The following PLEKHB2 variants were observed in gnomAD, a reference collection of about 807,000 sequenced individuals.
The protein encoded by PLEKHB2 is pleckstrin homology domain containing B2.
A neutral mutation model predicts 36.5 loss-of-function variants in PLEKHB2; 31 were observed. The ratio of observed to expected loss-of-function variants is 0.85; its 90% CI spans 0.64 to 1.15. PLEKHB2 has a LOEUF of 1.15. Among genes scored for constraint, PLEKHB2 ranks in the 50% most tolerant of loss-of-function variants. The pLI, the probability that PLEKHB2 is intolerant of heterozygous loss-of-function variation, is 0.00. For synonymous variants in PLEKHB2, 119 were observed against 112.0 expected (o/e 1.06, Z -0.39); for missense variants, 262 against 295.3 (o/e 0.89, Z 0.83).
chr2:131,126,338 CAAGA>C (rs1176780981), intron 3 of PLEKHB2, among the ~76,000 whole-genome samples: 1 of 152,070 alleles, frequency 6.6e-6, no homozygotes, highest in African/African-American at 2.4e-5. Context: ...CCACCCTGGC[CAAGA>C]TGGTGAAACC....
At chr2:131,111,771 G>A (rs111935191) in intron 1 of PLEKHB2, among the ~76,000 whole-genome samples, 2 of 151,878 alleles carry the variant, frequency 1.3e-5, no homozygotes, top group Non-Finnish European at 2.9e-5. Context: ...GATTATAGGC[G>A]TGAGCCACTG....
At chr2:131,117,455 A>G (rs1470344697) in intron 1 of PLEKHB2, among the ~76,000 whole-genome samples, 1 of 152,162 alleles carries the variant, frequency 6.6e-6, no homozygotes, top group Admixed American at 6.5e-5. Context: ...GAAATTGACC[A>G]CAGAAGTTCA....
chr2:131,115,433 A>G (rs946892144), intron 1 of PLEKHB2, among the ~76,000 whole-genome samples: 16 of 130,540 alleles, frequency 1.2e-4, no homozygotes, highest in Non-Finnish European at 2.1e-4. Context: ...GACTCACTGC[A>G]GTCTCCGCCT....
intron 2 of PLEKHB2, among the ~76,000 whole-genome samples, chr2:131,121,528 T>A (rs974492239): frequency 5.3e-5 from 8 of 152,166 alleles, no homozygotes; most frequent in African/African-American, 1.9e-4. Flanking sequence ...ATTACAAGCG[T>A]GAGCCACCGT....
chr2:131,126,889 A>G (rs1272013013), intron 4 of PLEKHB2, 103 bp downstream of exon 4: 2 of 694,436 alleles, frequency 2.9e-6, no homozygotes. Flanking sequence ...TCTTTCAGGC[A>G]TCAGAATAAG....
chr2:131,146,992 C>A lies in PLEKHB2; in HGVS notation c.*219C>A. ...TGTTGACTCTCCGGGGGCACTGGCT[C>A]ATTCCAAGACTGTTCTTGTGCAACT... On this transcript the variant is annotated 3_prime_UTR_variant, in exon 8 of 8. Coordinates refer to ENST00000693505, the MANE Select transcript of PLEKHB2 (RefSeq NM_001100623.2). 1 of 395,086 alleles carries A rather than the reference C, an allele frequency of 2.5e-6. No individual in the cohort carries two copies. Among genetic ancestry groups the A allele is most frequent in the African/African-American group, 2.0e-5 (1 of 48,790 alleles). The allele number at this position is 395,086 out of a possible 1,614,324, so 24.5% of individuals were successfully genotyped here.
chr2:131,114,272 C>G (rs1695626528), intron 1 of PLEKHB2, among the ~76,000 whole-genome samples: 2 of 152,038 alleles, frequency 1.3e-5, no homozygotes, highest in South Asian at 4.2e-4. Context: ...ACTACAGGCG[C>G]CCGCCCCCAC....
chr2:131,116,486 T>C (rs1695892641), intron 1 of PLEKHB2, among the ~76,000 whole-genome samples: 1 of 152,204 alleles, frequency 6.6e-6, no homozygotes, highest in African/African-American at 2.4e-5. Context: ...GAGGCATGGC[T>C]GTGGAGGCCT....
chr2:131,134,904 T>C (rs1698078351), intron 6 of PLEKHB2, among the ~76,000 whole-genome samples: 1 of 152,232 alleles, frequency 6.6e-6, no homozygotes, highest in African/African-American at 2.4e-5. Flanking sequence ...ATCAGCATTT[T>C]GAGGTTTTCA....
intron 5 of PLEKHB2, 137 bp from the exon 6 acceptor site, chr2:131,132,765 T>C: frequency 1.8e-6 from 1 of 564,188 alleles, no homozygotes; most frequent in Non-Finnish European, 3.2e-6. Flanking sequence ...GGGGGAGTTT[T>C]TCCTGTTTTG....
intron 4 of PLEKHB2, among the ~76,000 whole-genome samples, chr2:131,129,215 C>G (rs796456610): frequency 1.0e-4 from 15 of 148,776 alleles, no homozygotes; most frequent in African/African-American, 3.7e-4. Context: ...ATCCCAGCTA[C>G]TTGGGAGGCT....
intron 6 of PLEKHB2, among the ~76,000 whole-genome samples, chr2:131,133,570 G>T (rs1573602334): frequency 1.3e-5 from 2 of 152,198 alleles, no homozygotes; most frequent in Non-Finnish European, 1.5e-5. Flanking sequence ...TTAAACCCAG[G>T]AATTTGGAAT....
intron 1 of PLEKHB2, among the ~76,000 whole-genome samples, chr2:131,112,412 G>C (rs1336874438): frequency 6.6e-6 from 1 of 152,176 alleles, no homozygotes. Context: ...TGAATTTTGT[G>C]AGCTGCTCTA....
rs182227928 is a variant in PLEKHB2, at chr2:131,131,872, C to T, written c.334-1030C>T. On this transcript the variant is annotated intron_variant, in intron 5 of 7. Transcript: ENST00000693505. ...TTTTTTTGAGACAGTCTCACTCTGTCGCCCAGGCCAGAGTGCAGTGGAGCG... is the reference window on the plus strand; with the variant it reads ...TTTTTTTGAGACAGTCTCACTCTGTTGCCCAGGCCAGAGTGCAGTGGAGCG... 5.4e-5 allele frequency among the ~76,000 whole-genome samples: 8 copies of T among 149,176 alleles called. No homozygotes were observed. The East Asian group carries it at 1.4e-3, about 26-fold the overall frequency.
intron 1 of PLEKHB2, among the ~76,000 whole-genome samples, chr2:131,113,840 C>CCTGT (rs1414132384): frequency 3.9e-5 from 6 of 152,038 alleles, no homozygotes; most frequent in Non-Finnish European, 8.8e-5. Flanking sequence ...AGGGAGGGTC[C>CCTGT]CTGTCTGCTT....
chr2:131,135,438 A>G (rs1310530994), intron 6 of PLEKHB2, among the ~76,000 whole-genome samples: 1 of 152,206 alleles, frequency 6.6e-6, no homozygotes, highest in Admixed American at 6.5e-5. Flanking sequence ...TATACTACAT[A>G]GGCAATCATG....
intron 7 of PLEKHB2, among the ~76,000 whole-genome samples, chr2:131,141,090 G>A (rs1040064206): frequency 3.9e-4 from 59 of 152,282 alleles, no homozygotes; most frequent in Admixed American, 3.7e-3. Context: ...TACCAGAAAC[G>A]TGGGTCACTA....
At chr2:131,123,972 C>T (rs1473408648) in intron 2 of PLEKHB2, among the ~76,000 whole-genome samples, 1 of 151,958 alleles carries the variant, frequency 6.6e-6, no homozygotes, top group Non-Finnish European at 1.5e-5. Flanking sequence ...ACTCAGACTC[C>T]CAAGTAGCTG....
At chr2:131,107,121 T>G (rs1329457215) in intron 1 of PLEKHB2, among the ~76,000 whole-genome samples, 1 of 152,228 alleles carries the variant, frequency 6.6e-6, no homozygotes, top group Non-Finnish European at 1.5e-5. Flanking sequence ...TCCTTTCCTC[T>G]GCCTGCCTTC....
Sources: allele counts gnomAD v4.1 joint callset (sites outside exome capture counted in the v4.1 genomes callset), GRCh38; gene constraint gnomAD v4.1.1; transcripts MANE v1.5; gene names NCBI Gene and HGNC (gene_info 2026-07-23, HGNC 2026-07-21).